Variants in CECR2 observed in about 807,000 individuals in gnomAD.
CECR2 encodes chromatin remodeling regulator CECR2.
In CECR2, 30 loss-of-function variants were observed where a neutral mutation model predicts 154.5. That is an observed-to-expected ratio of 0.19 (90% CI 0.15 to 0.26). The LOEUF (loss-of-function observed/expected upper bound fraction) is 0.26, where lower values mean the gene tolerates loss of function less well. Among genes scored for constraint, CECR2 ranks in the 10% least tolerant of loss-of-function variants. The pLI is 1.00. For missense variants in CECR2, 1,743 were observed against 1,829.3 expected (o/e 0.95, Z 0.86); for synonymous variants, 725 against 683.7 (o/e 1.06, Z -0.94).
At chr22:17,465,486 G>GT (rs1232224828) in intron 1 of CECR2, among the ~76,000 whole-genome samples, 1 of 150,640 alleles carries the variant, frequency 6.6e-6, no homozygotes, top group Non-Finnish European at 1.5e-5. Context: ...TTCACCACCT[G>GT]TTTTTTTCCT....
chr22:17,508,633 A>C (rs948290305), intron 7 of CECR2, among the ~76,000 whole-genome samples: 2 of 152,076 alleles, frequency 1.3e-5, no homozygotes, highest in Non-Finnish European at 2.9e-5. Flanking sequence ...AGCACACTAC[A>C]TCGTCTAGGG....
intron 1 of CECR2, among the ~76,000 whole-genome samples, chr22:17,397,385 G>A (rs1391906424): frequency 2.6e-5 from 4 of 152,228 alleles, no homozygotes; most frequent in Non-Finnish European, 4.4e-5. Context: ...ACCCGCCTTC[G>A]CCTCCCAAAG....
chr22:17,423,506 C>CA (rs77498895), intron 1 of CECR2, among the ~76,000 whole-genome samples: 123 of 143,688 alleles, frequency 8.6e-4, no homozygotes, highest in South Asian at 3.1e-3. Context: ...GACTCTGTCT[C>CA]AAAAAAAAAA....
chr22:17,363,457 C>CT (rs982263715), intron 1 of CECR2, among the ~76,000 whole-genome samples: 2 of 152,152 alleles, frequency 1.3e-5, no homozygotes, highest in African/African-American at 4.8e-5. Flanking sequence ...ATCCGCCTGC[C>CT]TTGGCCTCCC....
chr22:17,414,073 C>T (rs554744707), intron 1 of CECR2, among the ~76,000 whole-genome samples: 7 of 152,022 alleles, frequency 4.6e-5, no homozygotes, highest in East Asian at 1.9e-4. Context: ...CCCAGGTTCA[C>T]GCCATTCTCC....
intron 9 of CECR2, among the ~76,000 whole-genome samples, chr22:17,530,612 G>A (rs8135585): frequency 0.06 from 9,159 of 152,048 alleles, 409 homozygotes; most frequent in Admixed American, 0.14. Context: ...GGGAGGCAGA[G>A]GCTGCAGTGA....
chr22:17,466,776 G>C (rs1252106123), intron 1 of CECR2, among the ~76,000 whole-genome samples: 3 of 152,044 alleles, frequency 2.0e-5, no homozygotes, highest in Non-Finnish European at 4.4e-5. Context: ...TGTATTTTTA[G>C]TAGAGACAGG....
At chr22:17,387,625 A>T (rs575364271) in intron 1 of CECR2, among the ~76,000 whole-genome samples, 62 of 152,218 alleles carry the variant, frequency 4.1e-4, no homozygotes, top group Non-Finnish European at 7.3e-4. Context: ...GTCTGTGTGC[A>T]CATAACATGT....
chr22:17,432,780 C>T lies in CECR2; in HGVS notation c.127-44808C>T, dbSNP rs548675761. 3.3e-5 allele frequency among the ~76,000 whole-genome samples: 5 copies of T among 152,214 alleles called. No homozygotes were observed. The South Asian group carries it at 8.3e-4, about 25-fold the overall frequency. ...CCTCCTGAGTACCTAGGACTGTAGG[C>T]GCCACCATGCCCTGCTAATTTTTAT... On this transcript the variant is annotated intron_variant, in intron 1 of 18. Coordinates refer to ENST00000262608, the MANE Select transcript of CECR2 (RefSeq NM_001290047.2).
At chr22:17,439,613 A>G (rs763830526) in intron 1 of CECR2, among the ~76,000 whole-genome samples, 6 of 152,232 alleles carry the variant, frequency 3.9e-5, no homozygotes, top group Non-Finnish European at 8.8e-5. Flanking sequence ...AGGAAAAGGA[A>G]TACTCATACT....
intron 9 of CECR2, chr22:17,524,762 A>G (rs950859550): frequency 2.2e-5 from 5 of 223,832 alleles, no homozygotes; most frequent in East Asian, 2.1e-4. Flanking sequence ...CAGTGGCACA[A>G]TCTTCACTTA....
intron 1 of CECR2, among the ~76,000 whole-genome samples, chr22:17,384,405 A>G (rs569067808): frequency 2.0e-4 from 30 of 152,352 alleles, no homozygotes; most frequent in South Asian, 1.0e-3. Context: ...TTCTTAAATA[A>G]TAAGACTTGA....
At chr22:17,471,475 T>C (rs922054657) in intron 1 of CECR2, among the ~76,000 whole-genome samples, 4 of 152,212 alleles carry the variant, frequency 2.6e-5, no homozygotes, top group African/African-American at 9.6e-5. Flanking sequence ...TTTCCAACTT[T>C]CGCAGTGCTC....
intron 6 of CECR2, 113 bp downstream of exon 6, chr22:17,503,244 T>TACTTTG: frequency 3.3e-6 from 3 of 912,302 alleles, no homozygotes; most frequent in Non-Finnish European, 5.1e-6. Flanking sequence ...CAATAGCCTT[T>TACTTTG]TACCTACCCC....
intron 1 of CECR2, among the ~76,000 whole-genome samples, chr22:17,464,217 GT>G (rs538448443): frequency 4.1e-4 from 62 of 152,294 alleles, no homozygotes; most frequent in African/African-American, 1.5e-3. Context: ...GTTGAGACAG[GT>G]AATTGCTTAG....
intron 1 of CECR2, among the ~76,000 whole-genome samples, chr22:17,468,689 AC>A (rs931651773): frequency 1.3e-5 from 2 of 151,646 alleles, no homozygotes; most frequent in Non-Finnish European, 2.9e-5. Flanking sequence ...AAAACCAGCA[AC>A]CCCCCGCCCC....
At chr22:17,424,396 G>T in intron 1 of CECR2, 1 of 191,882 alleles carries the variant, frequency 5.2e-6, no homozygotes, top group South Asian at 1.0e-4. Flanking sequence ...TCCCTCAATT[G>T]CAGACACACC....
chr22:17,375,464 GAT>G (rs1226867239), intron 1 of CECR2, among the ~76,000 whole-genome samples: 1 of 152,118 alleles, frequency 6.6e-6, no homozygotes, highest in African/African-American at 2.4e-5. Context: ...ACTAGGTGCC[GAT>G]ATGGTTGTGA....
chr22:17,415,425 AG>A (rs2146583292), intron 1 of CECR2, among the ~76,000 whole-genome samples: 1 of 152,218 alleles, frequency 6.6e-6, no homozygotes, highest in Non-Finnish European at 1.5e-5. Context: ...TATTTTTTGT[AG>A]AGATGAAGTT....
Sources: gnomAD v4.1 joint callset for allele counts (sites outside exome capture counted in the v4.1 genomes callset) on GRCh38, gnomAD v4.1.1 for gene constraint, MANE v1.5 for transcripts, NCBI Gene and HGNC (gene_info 2026-07-23, HGNC 2026-07-21) for gene names.